DCAF1: variants seen among roughly 807,000 people sequenced by gnomAD.
The protein encoded by DCAF1 is DDB1 and CUL4 associated factor 1.
DCAF1 carries 15 observed loss-of-function variants against 128.0 expected under a neutral mutation model. That is an observed-to-expected ratio of 0.12 (90% CI 0.08 to 0.18). The LOEUF (loss-of-function observed/expected upper bound fraction) is 0.18, where lower values mean the gene tolerates loss of function less well. DCAF1 is among the 10% of genes least tolerant of loss of function. The pLI is 1.00. For missense variants in DCAF1, 988 were observed against 1,649.5 expected (o/e 0.60, Z 6.95); for synonymous variants, 610 against 603.0 (o/e 1.01, Z -0.17).
At chr3:51,441,271 C>A (rs1265452146) in intron 8 of DCAF1, 114 bp downstream of exon 8, 1 of 1,367,858 alleles carries the variant, frequency 7.3e-7, no homozygotes, top group African/African-American at 1.5e-5. Flanking sequence ...TCATGCAAAC[C>A]CTTGTTTGTG....
intron 10 of DCAF1, among the ~76,000 whole-genome samples, chr3:51,431,335 T>C (rs1444582704): frequency 1.3e-5 from 2 of 148,626 alleles, no homozygotes; most frequent in African/African-American, 2.5e-5. Flanking sequence ...CTAGCCAACA[T>C]GGTAAAACCC....
chr3:51,490,465 T>C (rs782044276), intron 2 of DCAF1, among the ~76,000 whole-genome samples: 1 of 152,142 alleles, frequency 6.6e-6, no homozygotes, highest in African/African-American at 2.4e-5. Context: ...ACAAGACTTG[T>C]ATGCTGAAAA....
upstream of DCAF1, among the ~76,000 whole-genome samples, chr3:51,500,533 TTTTG>T (rs1236050547): frequency 3.9e-5 from 6 of 152,230 alleles, no homozygotes; most frequent in South Asian, 8.3e-4. Flanking sequence ...ACTGGTTGTT[TTTTG>T]TTTGTTTTGT....
At chr3:51,401,385 T>C (rs1199874594) in intron 24 of DCAF1, among the ~76,000 whole-genome samples, 1 of 152,200 alleles carries the variant, frequency 6.6e-6, no homozygotes, top group African/African-American at 2.4e-5. Flanking sequence ...GTGCTAAGAA[T>C]GCTCTCCTTG....
chr3:51,418,264 A>G, intron 16 of DCAF1, 66 bp from the exon 17 acceptor site: 3 of 1,524,636 alleles, frequency 2.0e-6, no homozygotes, highest in Non-Finnish European at 2.6e-6. Flanking sequence ...ACTACCTGCC[A>G]TTAGCATTTT....
At chr3:51,417,822 G>A (rs1577081076) in intron 17 of DCAF1, among the ~76,000 whole-genome samples, 1 of 151,538 alleles carries the variant, frequency 6.6e-6, no homozygotes, top group South Asian at 2.1e-4. Context: ...GGAGGGGAGA[G>A]GAGAGGAGAG....
chr3:51,463,014 A>G, intron 6 of DCAF1, 100 bp downstream of exon 6: 1 of 663,372 alleles, frequency 1.5e-6, no homozygotes, highest in Non-Finnish European at 2.3e-6. Context: ...TACTATATGA[A>G]TAACAAAAAC....
intron 3 of DCAF1, among the ~76,000 whole-genome samples, chr3:51,473,057 A>C (rs1468179372): frequency 1.4e-5 from 2 of 144,680 alleles, no homozygotes; most frequent in Admixed American, 1.4e-4. Flanking sequence ...TGGGCCGATC[A>C]CCTGAGGTCA....
In DCAF1 at chr3:51,405,679, C is replaced by T. The variant is rs1291583816; in HGVS notation, c.4213-2284G>A. Among the ~76,000 whole-genome samples, 4 of 152,276 alleles carry T rather than the reference C, an allele frequency of 2.6e-5. No individual in the cohort carries two copies. The East Asian group carries it at 7.7e-4, about 29-fold the overall frequency. On this transcript the variant is annotated intron_variant, in intron 23 of 24. Coordinates refer to ENST00000684031, the MANE Select transcript of DCAF1 (RefSeq NM_001387579.1). ...CAAATTTTAAATCTGAAACTGGGAT[C>T]ATGAAGCAGAGGCTCACAAGACTCA...
At chr3:51,407,984 CAAAAAAAAAA>C (rs59224025) in intron 23 of DCAF1, among the ~76,000 whole-genome samples, 13 of 52,548 alleles carry the variant, frequency 2.5e-4, no homozygotes, top group African/African-American at 6.2e-4. Context: ...GACTCCATCT[CAAAAAAAAAA>C]AAAAAAAAAA....
intron 2 of DCAF1, among the ~76,000 whole-genome samples, chr3:51,484,488 T>A (rs553252572): frequency 1.3e-5 from 2 of 151,082 alleles, no homozygotes; most frequent in Non-Finnish European, 3.0e-5. Context: ...GAAAAAAAAA[T>A]AGATTTACCT....
rs375683502 is a variant in DCAF1, at chr3:51,466,957, C to T, written c.188-81G>A. On this transcript the variant is annotated intron_variant, in intron 4 of 24. Transcript: ENST00000684031. ...AGCAACTTAGACCTCTGGAAAGGCA[C>T]CTGGGTTGTTATAAGCACTAATAAA... 199 of 1,234,984 alleles carry T rather than the reference C, an allele frequency of 1.6e-4. 1 individual carries two copies. In the East Asian group the frequency reaches 4.6e-3, roughly 28 times the overall value. 76.5% of individuals were successfully genotyped at this position (1,234,984 alleles called of 1,614,324 possible).
intron 2 of DCAF1, among the ~76,000 whole-genome samples, chr3:51,485,885 ATTTTTTTTT>A (rs10536057): frequency 7.3e-6 from 1 of 136,726 alleles, no homozygotes; most frequent in Non-Finnish European, 1.6e-5. Flanking sequence ...AAGATTATTT[ATTTTTTTTT>A]TTTTTTTTTT....
chr3:51,420,365 C>T lies in DCAF1; in HGVS notation c.2605G>A (p.Val869Met), dbSNP rs781808236. 14 of 1,614,042 alleles carry T rather than the reference C, an allele frequency of 8.7e-6. No homozygotes were observed. Among genetic ancestry groups the T allele is most frequent in the Middle Eastern group, 1.6e-4 (1 of 6,062 alleles). ...GGCAGGTCAGCCTCTTTTGTCAGCA[C>T]GGTTGCTGTTTCTCCAAGCCCTTTA... ...ISKGLGETATVLTKEADLPMT... is the reference protein window; with the variant it reads ...ISKGLGETATMLTKEADLPMT... The change falls in exon 15 of 25, where the codon GTG becomes ATG. Residue 869 changes from valine (V) to methionine (M), a missense_variant. Physicochemically the swap from Val to Met is conservative, Grantham distance 21. This residue lies in a region of DCAF1 where 76 missense variants were observed against 186.9 expected (regional missense o/e 0.41). Coordinates refer to ENST00000684031, the MANE Select transcript of DCAF1 (RefSeq NM_001387579.1). This position sits in a 1 kb window ranked among gnomAD's most constrained non-coding sequence, Gnocchi z 6.5.
At chr3:51,459,966 A>C (rs1402272643) in intron 6 of DCAF1, among the ~76,000 whole-genome samples, 5 of 152,162 alleles carry the variant, frequency 3.3e-5, no homozygotes, top group East Asian at 1.9e-4. Flanking sequence ...AATGGGCAAA[A>C]ACTGGAAGCA....
At chr3:51,410,482 C>T (rs564469295) in intron 23 of DCAF1, among the ~76,000 whole-genome samples, 1 of 113,978 alleles carries the variant, frequency 8.8e-6, no homozygotes, top group Non-Finnish European at 1.9e-5. Context: ...ATGCTCATAT[C>T]CTGTAATGGC....
chr3:51,446,054 C>A (rs1253420572), intron 6 of DCAF1, among the ~76,000 whole-genome samples: 2 of 144,292 alleles, frequency 1.4e-5, no homozygotes, highest in Non-Finnish European at 3.0e-5. Flanking sequence ...AGTGCAGTGG[C>A]GCAATCTCGA....
At chr3:51,423,486 A>G (rs1198604969) in intron 13 of DCAF1, among the ~76,000 whole-genome samples, 1 of 151,086 alleles carries the variant, frequency 6.6e-6, no homozygotes, top group African/African-American at 2.4e-5. Context: ...CGGGCCACAG[A>G]GAGAGACTCT....
chr3:51,490,667 G>A (rs1482093294), intron 2 of DCAF1, among the ~76,000 whole-genome samples: 1 of 152,118 alleles, frequency 6.6e-6, no homozygotes, highest in African/African-American at 2.4e-5. Flanking sequence ...GCTCACGCCT[G>A]TAATCCCAGC....
Sources: allele counts gnomAD v4.1 joint callset (sites outside exome capture counted in the v4.1 genomes callset), GRCh38; gene constraint gnomAD v4.1.1; regional missense constraint gnomAD v4.1.1; non-coding constraint Gnocchi (gnomAD v3.1); transcripts MANE v1.5; gene names NCBI Gene and HGNC (gene_info 2026-07-23, HGNC 2026-07-21).